TNRC6B: variants seen among roughly 807,000 people sequenced by gnomAD.
The protein encoded by TNRC6B is trinucleotide repeat-containing gene 6B protein.
TNRC6B carries 52 observed loss-of-function variants against 203.6 expected under a neutral mutation model. That is an observed-to-expected ratio of 0.26 (90% CI 0.20 to 0.32). The LOEUF is 0.32. Among genes scored for constraint, TNRC6B ranks in the 10% least tolerant of loss-of-function variants. The pLI, the probability that TNRC6B is intolerant of heterozygous loss-of-function variation, is 1.00. For missense variants in TNRC6B, 1,923 were observed against 2,286.2 expected (o/e 0.84, Z 3.24); for synonymous variants, 838 against 845.7 (o/e 0.99, Z 0.16).
chr22:40,328,819 C>T lies in TNRC6B; in HGVS notation c.*5578C>T, dbSNP rs375641644. On this transcript the variant is annotated 3_prime_UTR_variant, in exon 23 of 23. Coordinates refer to ENST00000454349, the MANE Select transcript of TNRC6B (RefSeq NM_001162501.2). ...AAAAGATCCATTTTTTCCCCATCCT[C>T]AGAGTTAAAATTCAACATTTAAAGC... is the stretch of plus-strand genomic sequence containing the variant. 27 of 152,324 alleles carry T rather than the reference C, an allele frequency of 1.8e-4. 1 individual carries two copies. In the East Asian group the frequency reaches 4.8e-3, roughly 27 times the overall value. 9.4% of individuals were successfully genotyped at this position (152,324 alleles called of 1,614,324 possible). A position where few individuals can be genotyped will look rare whatever the true frequency, so the allele number is the denominator to read the frequency against.
In TNRC6B at chr22:40,327,571, T is replaced by G. The variant is rs1050706979; in HGVS notation, c.*4330T>G. On this transcript the variant is annotated 3_prime_UTR_variant, in exon 23 of 23. Transcript: ENST00000454349. ...TTTTCCCCCAGACCTCCCCCTTCTT[T>G]TTGTCAACTTGCTGGGAGCTTTGCT... 6.5e-6 allele frequency: 1 copy of G among 152,748 alleles called. No homozygotes were observed. Among genetic ancestry groups the G allele is most frequent in the Non-Finnish European group, 1.5e-5 (1 of 68,468 alleles). The allele number at this position is 152,748 out of a possible 1,614,324, so 9.5% of individuals were successfully genotyped here.
Position 40,266,181 on chromosome 22 carries a change from G to A in TNRC6B, c.1951G>A (p.Glu651Lys), listed in dbSNP as rs769999324. The A allele has an allele frequency of 6.2e-7, 1 of 1,613,554 alleles. No individual in the cohort carries two copies. The highest frequency in any genetic ancestry group is 8.5e-7 in the Non-Finnish European group (1 of 1,179,648). ...TGAGGGGAAATCTGACAAAGGAACTGAGGGGTGGGAGAGCGCTGCCACACA... is the reference window on the plus strand; with the variant it reads ...TGAGGGGAAATCTGACAAAGGAACTAAGGGGTGGGAGAGCGCTGCCACACA... ...RPEGKSDKGT[E>K]GWESAATQTK... Residue 651 changes from glutamate (E) to lysine (K), a missense_variant, in exon 5 of 23, where the codon GAG becomes AAG. Around this residue, in one of 8 missense-constraint regions of TNRC6B, gnomAD observed 38 missense variants for 70.3 expected, o/e 0.54. Coordinates refer to ENST00000454349, the MANE Select transcript of TNRC6B (RefSeq NM_001162501.2).
chr22:40,213,295 AG>A (rs1310085126), intron 1 of TNRC6B, among the ~76,000 whole-genome samples: 1 of 152,212 alleles, frequency 6.6e-6, no homozygotes, highest in Non-Finnish European at 1.5e-5. Flanking sequence ...AGGGACACAA[AG>A]CCTGCAGTGA....
rs1192391149 is a variant in TNRC6B, at chr22:40,329,460, G to T, written c.*6219G>T. The T allele has an allele frequency of 6.6e-6, 1 of 152,022 alleles. No individual in the cohort carries two copies. Among genetic ancestry groups the T allele is most frequent in the African/African-American group, 2.4e-5 (1 of 41,360 alleles). The allele number at this position is 152,022 out of a possible 1,614,324, so 9.4% of individuals were successfully genotyped here. A position where few individuals can be genotyped will look rare whatever the true frequency, so the allele number is the denominator to read the frequency against. On this transcript the variant is annotated 3_prime_UTR_variant, in exon 23 of 23. Transcript: ENST00000454349. ...TTTTTTTTCTTAAGTTTGACAAAGG[G>T]GGTGGTAATATCACATTCTTTAGAT... is the stretch of plus-strand genomic sequence containing the variant.
At chr22:40,095,116 A>C (rs756333132) in intron 1 of TNRC6B, among the ~76,000 whole-genome samples, 11 of 152,070 alleles carry the variant, frequency 7.2e-5, no homozygotes, top group Non-Finnish European at 1.6e-4. Flanking sequence ...GAAGTTGACT[A>C]CTCATTCAGT....
rs545746739 is a variant in TNRC6B, at chr22:40,318,560, T to A, written c.4975-2530T>A. Among the ~76,000 whole-genome samples, 290 of 149,992 alleles carry A rather than the reference T, an allele frequency of 1.9e-3. 2 individuals carry two copies. Among genetic ancestry groups the A allele is most frequent in the African/African-American group, 4.5e-3 (183 of 40,834 alleles). On this transcript the variant is annotated intron_variant, in intron 21 of 22. Coordinates refer to ENST00000454349, the MANE Select transcript of TNRC6B (RefSeq NM_001162501.2). ...AGACTTCATCTCAGAGAAAAAAAAA[T>A]TTTTTTTTTAAGTTCCAAGTTATTT...
chr22:40,087,835 T>G (rs1397567835), intron 1 of TNRC6B, among the ~76,000 whole-genome samples: 2 of 152,054 alleles, frequency 1.3e-5, no homozygotes, highest in African/African-American at 4.8e-5. Context: ...GGCAGGGCCC[T>G]CATCACAGAG....
chr22:40,105,172 C>T (rs767169169), intron 1 of TNRC6B, among the ~76,000 whole-genome samples: 8 of 152,170 alleles, frequency 5.3e-5, no homozygotes, highest in Non-Finnish European at 1.0e-4. Context: ...GGATGAAGGG[C>T]CTGGCAGGCC....
At chr22:40,165,981 T>C (rs2068916279) in intron 4 of TNRC6B, among the ~76,000 whole-genome samples, 1 of 152,184 alleles carries the variant, frequency 6.6e-6, no homozygotes. Context: ...GTTGTTTTGT[T>C]TTGTTTTGTT....
chr22:40,195,445 T>C (rs1213121627), intron 1 of TNRC6B, among the ~76,000 whole-genome samples: 2 of 152,244 alleles, frequency 1.3e-5, no homozygotes, highest in African/African-American at 4.8e-5. Flanking sequence ...ACTAGCTTTT[T>C]TGCCTTTGTC....
chr22:40,070,953 G>T (rs1258066477), intron 1 of TNRC6B, among the ~76,000 whole-genome samples: 1 of 152,180 alleles, frequency 6.6e-6, no homozygotes, highest in Admixed American at 6.5e-5. Context: ...GTCAGACCTT[G>T]CCACCAATTA....
intron 1 of TNRC6B, among the ~76,000 whole-genome samples, chr22:40,243,650 T>C (rs149644573): frequency 3.9e-5 from 6 of 152,322 alleles, no homozygotes; most frequent in African/African-American, 7.2e-5. Flanking sequence ...AATGGTGTGA[T>C]CTTGGTTGAC....
At chr22:40,133,139 A>G (rs2068567822) in intron 3 of TNRC6B, among the ~76,000 whole-genome samples, 2 of 151,554 alleles carry the variant, frequency 1.3e-5, no homozygotes, top group African/African-American at 4.8e-5. Flanking sequence ...TATCTGTCAC[A>G]TGTGGCTTTG....
intron 1 of TNRC6B, among the ~76,000 whole-genome samples, chr22:40,212,298 C>A (rs930450340): frequency 6.6e-6 from 1 of 152,358 alleles, no homozygotes; most frequent in African/African-American, 2.4e-5. Context: ...CCCTGTCAGA[C>A]ATGCCCTGCC....
Position 40,045,996 on chromosome 22 carries a change from C to T in TNRC6B, c.-121+998C>T, listed in dbSNP as rs371769462. On this transcript the variant is annotated intron_variant, in intron 1 of 23. Coordinates refer to the TNRC6B transcript ENST00000301923. ...TTGGTCATTTGTATTATAATTTAAG[C>T]AAAATTATACAAAATTGGTCAAAGA... 1.3e-3 allele frequency among the ~76,000 whole-genome samples: 194 copies of T among 152,198 alleles called. 2 individuals are homozygous for T. The highest frequency in any genetic ancestry group is 4.2e-3 in the African/African-American group (175 of 41,522).
At chr22:40,076,267 A>C (rs918123208) in intron 1 of TNRC6B, among the ~76,000 whole-genome samples, 20 of 152,182 alleles carry the variant, frequency 1.3e-4, no homozygotes, top group Non-Finnish European at 1.2e-4. Flanking sequence ...AAATACAAAA[A>C]TTAGGCAGAC....
At chr22:40,318,314 G>A (rs374126430) in intron 21 of TNRC6B, among the ~76,000 whole-genome samples, 14 of 152,252 alleles carry the variant, frequency 9.2e-5, no homozygotes, top group Middle Eastern at 3.4e-3. Context: ...TTGGGAGGCC[G>A]AGGCGGGCAG....
At position 40,193,480 on chromosome 22, in the gene TNRC6B, A is replaced by G. The variant is rs558073633; in HGVS notation, c.5+15340A>G. On this transcript the variant is annotated intron_variant, in intron 1 of 22. Coordinates refer to ENST00000454349, the MANE Select transcript of TNRC6B (RefSeq NM_001162501.2). ...TGGTTGGGCTTCCCTTCTGAAGCAC[A>G]AATAGGAAGGAGCTAGCAGAGAGGT... Among the ~76,000 whole-genome samples the G allele has an allele frequency of 2.0e-5, 3 of 152,332 alleles. No homozygotes were observed. The East Asian group carries it at 5.8e-4, about 29-fold the overall frequency.
chr22:40,071,155 A>G (rs987810493), intron 1 of TNRC6B, among the ~76,000 whole-genome samples: 2 of 152,230 alleles, frequency 1.3e-5, no homozygotes, highest in East Asian at 3.9e-4. Context: ...GTAAGATTAA[A>G]TCTGTTCTTT....
Sources: gnomAD v4.1 joint callset for allele counts (sites outside exome capture counted in the v4.1 genomes callset) on GRCh38, gnomAD v4.1.1 for gene constraint, gnomAD v4.1.1 regional missense constraint, MANE v1.5 for transcripts, NCBI Gene and HGNC (gene_info 2026-07-23, HGNC 2026-07-21) for gene names.